The following MBP variants were observed in gnomAD, a reference collection of about 807,000 sequenced individuals.
MBP encodes the protein Golli-MBP.
A neutral mutation model predicts 35.8 loss-of-function variants in MBP; 16 were observed. That is an observed-to-expected ratio of 0.45 (90% CI 0.30 to 0.68). MBP has a LOEUF of 0.68. MBP is among the 30% of genes least tolerant of loss of function. The pLI is 0.08. For missense variants in MBP, 380 were observed against 404.7 expected (o/e 0.94, Z 0.52); for synonymous variants, 143 against 159.6 (o/e 0.90, Z 0.78).
intron 2 of MBP, among the ~76,000 whole-genome samples, chr18:77,071,260 G>A (rs1191501629): frequency 6.6e-6 from 1 of 152,186 alleles, no homozygotes; most frequent in Non-Finnish European, 1.5e-5. Flanking sequence ...ACTCTCACCT[G>A]CAAAACCAGT....
chr18:77,061,007 C>T (rs1006578451), intron 3 of MBP, among the ~76,000 whole-genome samples: 1 of 152,234 alleles, frequency 6.6e-6, no homozygotes, highest in African/African-American at 2.4e-5. Flanking sequence ...CTGGGCCTTT[C>T]TCAGAGCCTG....
At chr18:77,053,085 T>C (rs1318393694) in intron 3 of MBP, among the ~76,000 whole-genome samples, 2 of 152,198 alleles carry the variant, frequency 1.3e-5, no homozygotes, top group African/African-American at 2.4e-5. Flanking sequence ...CGTGTCCCCG[T>C]GATAGGCCAG....
intron 4 of MBP, among the ~76,000 whole-genome samples, chr18:77,000,446 C>T (rs1970567977): frequency 6.6e-6 from 1 of 152,194 alleles, no homozygotes; most frequent in African/African-American, 2.4e-5. Flanking sequence ...ACAACAACAA[C>T]AAAATGACAA....
At chr18:77,093,930 T>C (rs1026277356) in intron 2 of MBP, among the ~76,000 whole-genome samples, 3 of 152,124 alleles carry the variant, frequency 2.0e-5, no homozygotes, top group African/African-American at 7.2e-5. Context: ...TTTTTCTTAC[T>C]GTAACCAGGT....
intron 3 of MBP, among the ~76,000 whole-genome samples, chr18:77,043,414 G>C (rs62106764): frequency 4.0e-5 from 6 of 151,578 alleles, no homozygotes; most frequent in Non-Finnish European, 7.4e-5. Context: ...TTTTATCGCA[G>C]GGACAACATG....
At chr18:77,030,174 C>A (rs1484464273) in intron 3 of MBP, among the ~76,000 whole-genome samples, 1 of 149,488 alleles carries the variant, frequency 6.7e-6, no homozygotes, top group Non-Finnish European at 1.5e-5. Context: ...GGCTGGGAAT[C>A]AGACAATGGT....
chr18:77,016,391 A>C (rs1377719157), intron 4 of MBP: 5 of 999,228 alleles, frequency 5.0e-6, no homozygotes, highest in African/African-American at 1.7e-5. Flanking sequence ...GTCGCAGAGC[A>C]ACATGAAGCT....
At chr18:77,041,458 G>T (rs1972986030) in intron 3 of MBP, among the ~76,000 whole-genome samples, 1 of 152,128 alleles carries the variant, frequency 6.6e-6, no homozygotes, top group Non-Finnish European at 1.5e-5. Context: ...AAAACATGCT[G>T]CTATAAAGAC....
intron 4 of MBP, among the ~76,000 whole-genome samples, chr18:77,011,398 T>A (rs1971340031): frequency 6.6e-6 from 1 of 152,182 alleles, no homozygotes; most frequent in African/African-American, 2.4e-5. Context: ...CCATTAATTT[T>A]CCCTCCATCT....
chr18:77,037,039 T>C (rs1667949), intron 3 of MBP, among the ~76,000 whole-genome samples: 86 of 112,358 alleles, frequency 7.7e-4, no homozygotes, highest in Middle Eastern at 8.9e-3. Flanking sequence ...CTGAGCTGAG[T>C]AAGTGCTGGT....
chr18:77,112,673 G>GTT (rs1487231711), intron 1 of MBP: 2 of 152,438 alleles, frequency 1.3e-5, no homozygotes, highest in African/African-American at 4.8e-5. Flanking sequence ...GGGGCCGGCT[G>GTT]TTTGCAGGGG....
intron 4 of MBP, chr18:77,012,830 C>T: frequency 1.0e-6 from 1 of 985,332 alleles, no homozygotes; most frequent in African/African-American, 1.7e-5. Context: ...CATAAAAAGG[C>T]AGAAAAATAT....
At chr18:77,074,886 C>T (rs1177605453) in intron 2 of MBP, among the ~76,000 whole-genome samples, 1 of 152,162 alleles carries the variant, frequency 6.6e-6, no homozygotes, top group Non-Finnish European at 1.5e-5. Flanking sequence ...AAGATCACAG[C>T]AACTAAATAG....
chr18:77,088,871 T>C (rs1975387995), intron 2 of MBP, among the ~76,000 whole-genome samples: 1 of 152,206 alleles, frequency 6.6e-6, no homozygotes, highest in African/African-American at 2.4e-5. Context: ...GCAGATTTAA[T>C]GAAGTTAAGG....
chr18:77,019,076 CCATCCATT>C (rs1242973193), intron 3 of MBP, among the ~76,000 whole-genome samples: 5 of 142,802 alleles, frequency 3.5e-5, no homozygotes, highest in East Asian at 2.1e-4. Context: ...ATCCATCCAT[CCATCCATT>C]ATTTATGAGT....
chr18:77,106,934 A>G (rs560195743), intron 1 of MBP, among the ~76,000 whole-genome samples: 4 of 152,262 alleles, frequency 2.6e-5, no homozygotes, highest in Admixed American at 2.0e-4. Flanking sequence ...GCCTTACTGG[A>G]TAAGAATGGG....
In MBP at chr18:77,081,813, CA is replaced by C. The variant is rs1187043403; in HGVS notation, c.52-15429del. Among the ~76,000 whole-genome samples, 717 of 90,538 alleles carry C rather than the reference CA, an allele frequency of 7.9e-3. 15 individuals are homozygous for C. Among genetic ancestry groups the C allele is most frequent in the African/African-American group, 0.026 (681 of 25,810 alleles). The allele number at this position is 90,538 out of a possible 152,430, so 59.4% of individuals were successfully genotyped here. A position where few individuals can be genotyped will look rare whatever the true frequency, so the allele number is the denominator to read the frequency against. ...ACACACGTATATATATATGCACACA[CA>C]TATATACACACACACACACACACAC... is the stretch of plus-strand genomic sequence containing the variant. On this transcript the variant is annotated intron_variant, in intron 2 of 8. Transcript: ENST00000355994.
intron 4 of MBP, chr18:77,014,854 A>G (rs1971540936): frequency 1.0e-6 from 1 of 985,218 alleles, no homozygotes; most frequent in African/African-American, 1.7e-5. Flanking sequence ...TCATTAAAAA[A>G]TCTTCTATAT....
chr18:77,063,111 C>G (rs766858031), intron 3 of MBP, among the ~76,000 whole-genome samples: 1 of 152,154 alleles, frequency 6.6e-6, no homozygotes, highest in Non-Finnish European at 1.5e-5. Context: ...AGCTGCTGCT[C>G]TCATTTAGAG....
Sources: allele counts gnomAD v4.1 joint callset (sites outside exome capture counted in the v4.1 genomes callset), GRCh38; gene constraint gnomAD v4.1.1; transcripts MANE v1.5; gene names NCBI Gene and HGNC (gene_info 2026-07-23, HGNC 2026-07-21).